The following IQGAP2 variants were observed in gnomAD, a reference collection of about 807,000 sequenced individuals.
The protein encoded by IQGAP2 is ras GTPase-activating-like protein IQGAP2.
IQGAP2 carries 173 observed loss-of-function variants against 201.3 expected under a neutral mutation model. The observed-to-expected ratio is 0.86, with a 90% CI of 0.76 to 0.98. The LOEUF is 0.98. IQGAP2 is among the 50% of genes least tolerant of loss of function. The probability of loss-of-function intolerance (pLI) is 0.00; values close to 1 mark genes in which losing one functional copy is unlikely to be tolerated. For synonymous variants in IQGAP2, 675 were observed against 673.9 expected (o/e 1.00, Z -0.03); for missense variants, 1,687 against 1,864.8 (o/e 0.90, Z 1.76).
At chr5:76,576,189 A>G in intron 5 of IQGAP2, among the ~76,000 whole-genome samples, 1 of 134,960 alleles carries the variant, frequency 7.4e-6, no homozygotes, top group East Asian at 2.4e-4. Context: ...ATTTAGTTCA[A>G]TTCTTACAAA....
chr5:76,456,391 G>A (rs1417332306), intron 1 of IQGAP2, among the ~76,000 whole-genome samples: 2 of 152,188 alleles, frequency 1.3e-5, no homozygotes, highest in African/African-American at 2.4e-5. Flanking sequence ...GTCCTTTAAA[G>A]CTTAAGATTA....
chr5:76,513,036 C>G (rs1485623668), intron 2 of IQGAP2, among the ~76,000 whole-genome samples: 1 of 148,296 alleles, frequency 6.7e-6, no homozygotes, highest in South Asian at 2.1e-4. Context: ...GCCTGGGTGA[C>G]AGAGTCAGAG....
intron 5 of IQGAP2, 96 bp from the exon 6 acceptor site, chr5:76,588,810 C>A: frequency 1.6e-6 from 1 of 636,958 alleles, no homozygotes; most frequent in Non-Finnish European, 2.5e-6. Context: ...TCTCTTAGGT[C>A]TTTTCAACTG....
intron 13 of IQGAP2, among the ~76,000 whole-genome samples, chr5:76,625,436 G>A (rs1240957882): frequency 1.3e-5 from 2 of 152,166 alleles, no homozygotes; most frequent in African/African-American, 2.4e-5. Context: ...ATTAGCTCCT[G>A]CTTCCCTGTC....
intron 2 of IQGAP2, among the ~76,000 whole-genome samples, chr5:76,469,505 A>T (rs1308976722): frequency 6.6e-6 from 1 of 151,746 alleles, no homozygotes; most frequent in African/African-American, 2.4e-5. Flanking sequence ...GGTTCAAACG[A>T]TTATTTCTCC....
At chr5:76,618,157 G>A in intron 13 of IQGAP2, 2 of 1,614,184 alleles carry the variant, frequency 1.2e-6, no homozygotes, top group Non-Finnish European at 1.7e-6. Flanking sequence ...ATGCAGGCAA[G>A]GAGCAGAATG....
chr5:76,584,983 A>T (rs1746139715), intron 5 of IQGAP2, among the ~76,000 whole-genome samples: 1 of 152,270 alleles, frequency 6.6e-6, no homozygotes, highest in Non-Finnish European at 1.5e-5. Context: ...ACATTTATAC[A>T]CAGAAGAACC....
chr5:76,475,783 T>TA (rs1277707052), intron 2 of IQGAP2, among the ~76,000 whole-genome samples: 3 of 152,186 alleles, frequency 2.0e-5, no homozygotes, highest in African/African-American at 7.2e-5. Flanking sequence ...TACATGTTAA[T>TA]AAAACTTATA....
chr5:76,405,718 C>T (rs1750758820), intron 1 of IQGAP2, among the ~76,000 whole-genome samples: 1 of 152,118 alleles, frequency 6.6e-6, no homozygotes, highest in African/African-American at 2.4e-5. Context: ...TTGTTGTTGG[C>T]TTTCTGAGCC....
In IQGAP2 at chr5:76,581,388, C is replaced by G. The variant is rs564066010; in HGVS notation, c.458+5619C>G. On this transcript the variant is annotated intron_variant, in intron 5 of 35. Transcript: ENST00000274364. The stretch of plus-strand genomic sequence containing the variant: ...AGTTTCTTAGCTCAAAGGACAGGCT[C>G]TAATCCTAGGTTCTCAGAAGGGATA... 2.0e-5 allele frequency among the ~76,000 whole-genome samples: 3 copies of G among 152,334 alleles called. No individual in the cohort carries two copies. In the South Asian group the frequency reaches 6.2e-4, roughly 32 times the overall value.
At chr5:76,490,204 A>G (rs955565014) in intron 2 of IQGAP2, among the ~76,000 whole-genome samples, 2 of 152,162 alleles carry the variant, frequency 1.3e-5, no homozygotes, top group African/African-American at 4.8e-5. Context: ...TTCTCCTGGT[A>G]TCTCTTTTTT....
chr5:76,523,915 C>T (rs749443415), intron 2 of IQGAP2, among the ~76,000 whole-genome samples: 3 of 152,084 alleles, frequency 2.0e-5, no homozygotes, highest in African/African-American at 4.8e-5. Context: ...GCTTTATTTA[C>T]GTACATTTTG....
intron 21 of IQGAP2, among the ~76,000 whole-genome samples, chr5:76,659,345 G>T (rs1373870051): frequency 1.3e-5 from 2 of 152,194 alleles, no homozygotes; most frequent in Non-Finnish European, 2.9e-5. Flanking sequence ...TTGAGAAAAT[G>T]TATATGCCTG....
intron 17 of IQGAP2, 87 bp downstream of exon 17, chr5:76,641,190 C>A: frequency 9.8e-7 from 1 of 1,022,764 alleles, no homozygotes; most frequent in Non-Finnish European, 1.4e-6. Flanking sequence ...CAACTACCAG[C>A]ATTCCTATAA....
At chr5:76,432,323 C>T (rs1752421836) in intron 1 of IQGAP2, among the ~76,000 whole-genome samples, 2 of 152,016 alleles carry the variant, frequency 1.3e-5, no homozygotes. Flanking sequence ...TGGGGTTTTA[C>T]CCTGTTGGCC....
At position 76,707,550 on chromosome 5, in the gene IQGAP2, T is replaced by C. The variant is rs1169662088; in HGVS notation, c.*237T>C. 1.3e-5 allele frequency: 5 copies of C among 379,868 alleles called. 1 individual carries two copies. In the South Asian group the frequency reaches 2.2e-4, roughly 16 times the overall value. The allele number at this position is 379,868 out of a possible 1,614,324, so 23.5% of individuals were successfully genotyped here. A position where few individuals can be genotyped will look rare whatever the true frequency, so the allele number is the denominator to read the frequency against. ...TATCCACACTGTACTGTGATATAGG[T>C]ACTCTGATTTAAAACTTTGGACATC... On this transcript the variant is annotated 3_prime_UTR_variant, in exon 36 of 36. Transcript: ENST00000274364.
intron 13 of IQGAP2, chr5:76,617,878 G>A (rs1374079507): frequency 1.2e-6 from 2 of 1,614,070 alleles, no homozygotes; most frequent in Admixed American, 1.7e-5. Context: ...TAGATGATAA[G>A]CACAAATGGA....
chr5:76,683,139 A>G lies in IQGAP2; in HGVS notation c.3685A>G (p.Ile1229Val), dbSNP rs1255648162. ...HSLLLEHQDA[I>V]APEKNDLLSE... is the part of the protein sequence containing the mutation. ...GCTCCTGTTGGAACACCAGGATGCA[A>G]TTGCCCCTGAGAAAAATGACTTACT... Residue 1229 changes from isoleucine (I) to valine (V), a missense_variant, in exon 29 of 36, where the codon ATT becomes GTT. Coordinates refer to ENST00000274364, the MANE Select transcript of IQGAP2 (RefSeq NM_006633.5). The G allele has an allele frequency of 4.3e-6, 7 of 1,611,526 alleles. No individual in the cohort carries two copies. The highest frequency in any genetic ancestry group is 5.1e-6 in the Non-Finnish European group (6 of 1,178,706).
At position 76,570,638 on chromosome 5, in the gene IQGAP2, A is replaced by C. The variant is rs780155939; in HGVS notation, c.362A>C (p.Glu121Ala). ...DNTVQWLRAM[E>A]SIGLPKIFYP... ...ACCGTCCAGTGGTTAAGAGCGATGG[A>C]GTCTATTGGTCTACCCAAGGTAAGC... is the stretch of plus-strand genomic sequence containing the variant. The change falls in exon 4 of 36, where the codon GAG becomes GCG. Residue 121 changes from glutamate (E) to alanine (A), a missense_variant. By Grantham distance (107) the Glu-to-Ala change is moderately radical. Coordinates refer to ENST00000274364, the MANE Select transcript of IQGAP2 (RefSeq NM_006633.5). 6.2e-7 allele frequency: 1 copy of C among 1,613,326 alleles called. No homozygotes were observed. The highest frequency in any genetic ancestry group is 8.5e-7 in the Non-Finnish European group (1 of 1,179,266).
Sources: allele counts gnomAD v4.1 joint callset (sites outside exome capture counted in the v4.1 genomes callset), GRCh38; gene constraint gnomAD v4.1.1; transcripts MANE v1.5; gene names NCBI Gene and HGNC (gene_info 2026-07-23, HGNC 2026-07-21).